The following ANGEL2 variants were observed in gnomAD, a reference collection of about 807,000 sequenced individuals.
ANGEL2 encodes angel homolog 2.
ANGEL2 carries 41 observed loss-of-function variants against 66.0 expected under a neutral mutation model. The observed-to-expected ratio is 0.62, with a 90% CI of 0.48 to 0.81. The LOEUF is 0.81. Among genes scored for constraint, ANGEL2 ranks in the 30% least tolerant of loss-of-function variants. The pLI is 0.00. For synonymous variants in ANGEL2, 208 were observed against 226.5 expected, an observed-to-expected ratio of 0.92 and a Z score of 0.73; for missense variants, 561 against 641.6, an observed-to-expected ratio of 0.87 and a Z score of 1.36.
At chr1:213,014,876 G>T (rs189324836) in intron 1 of ANGEL2, among the ~76,000 whole-genome samples, 1 of 152,080 alleles carries the variant, frequency 6.6e-6, no homozygotes, top group African/African-American at 2.4e-5. Flanking sequence ...TACACGAGTC[G>T]GTTTCACAGA....
At chr1:213,005,483 A>G in intron 4 of ANGEL2, 29 bp from the exon 5 acceptor site, 1 of 1,533,368 alleles carries the variant, frequency 6.5e-7, no homozygotes, top group Non-Finnish European at 8.7e-7. Flanking sequence ...TTTAAAACAA[A>G]TGACTGCTTT....
At chr1:213,013,485 C>A (rs2076561066) in intron 1 of ANGEL2, 67 bp from the exon 2 acceptor site, 1 of 1,400,074 alleles carries the variant, frequency 7.1e-7, no homozygotes, top group Admixed American at 2.2e-5. Flanking sequence ...AAAATCTAAG[C>A]CTGTTTCCTC....
At chr1:213,011,408 C>T (rs1465517844) in intron 2 of ANGEL2, 9 of 1,128,756 alleles carry the variant, frequency 8.0e-6, no homozygotes, top group Middle Eastern at 3.0e-4. Flanking sequence ...AGTGAAATAT[C>T]GGAAGTCACA....
chr1:213,010,502 G>T (rs2076475910), intron 2 of ANGEL2, among the ~76,000 whole-genome samples: 2 of 151,828 alleles, frequency 1.3e-5, no homozygotes, highest in Non-Finnish European at 2.9e-5. Flanking sequence ...AACCTGGGAG[G>T]TGGAGCTTGC....
rs1358222440 is a variant in ANGEL2, at chr1:212,992,551, C to G, written c.*2490G>C. On this transcript the variant is annotated 3_prime_UTR_variant, in exon 9 of 9. Coordinates refer to ENST00000366962, the MANE Select transcript of ANGEL2 (RefSeq NM_144567.5). ...CTATTCTGGTCAACAAAAGTAAAGACAAGTGGATAATTATTTTTAGTGGAG... is the reference window on the plus strand; with the variant it reads ...CTATTCTGGTCAACAAAAGTAAAGAGAAGTGGATAATTATTTTTAGTGGAG... The G allele has an allele frequency of 6.6e-6, 1 of 152,176 alleles. No homozygotes were observed. The highest frequency in any genetic ancestry group is 6.5e-5 in the Admixed American group (1 of 15,286). The allele number at this position is 152,176 out of a possible 1,614,324, so 9.4% of individuals were successfully genotyped here.
intron 1 of ANGEL2, among the ~76,000 whole-genome samples, chr1:213,013,878 G>GT (rs2076571101): frequency 6.6e-6 from 1 of 152,170 alleles, no homozygotes. Flanking sequence ...TTTCTGAACA[G>GT]TTTTTTATAC....
intron 5 of ANGEL2, among the ~76,000 whole-genome samples, chr1:213,002,521 CAA>C (rs999629667): frequency 1.3e-5 from 2 of 152,240 alleles, no homozygotes; most frequent in African/African-American, 4.8e-5. Flanking sequence ...TAGCTCCTAA[CAA>C]AAGAGTCAGC....
chr1:213,009,448 T>C (rs1332494698), intron 2 of ANGEL2, among the ~76,000 whole-genome samples: 1 of 152,218 alleles, frequency 6.6e-6, no homozygotes. Flanking sequence ...GAAATGGACT[T>C]CTAAGTATGA....
chr1:212,996,757 A>G (rs917065827), intron 8 of ANGEL2, among the ~76,000 whole-genome samples: 3 of 149,890 alleles, frequency 2.0e-5, no homozygotes, highest in African/African-American at 7.4e-5. Flanking sequence ...TGGTCCTCCA[A>G]TGAAGGCAGG....
At position 212,995,121 on chromosome 1, in the gene ANGEL2, A is replaced by G. The variant is rs966373481; in HGVS notation, c.1555T>C (p.Trp519Arg). The G allele has an allele frequency of 2.5e-6, 4 of 1,612,464 alleles. No homozygotes were observed. The African/African-American group carries it at 4.0e-5, about 16-fold the overall frequency. ...TCGTTTGGAAGTCCATTAACAGTCC[A>G]TAAGTCTTGTTCTGTAAGAAGTGAC... ...RLSLLTEQDL[W>R]TVNGLPNENN... The change falls in exon 9 of 9, where the codon TGG (tryptophan) becomes CGG (arginine). Residue 519 changes from tryptophan (W) to arginine (R), a missense_variant. Transcript: ENST00000366962.
intron 2 of ANGEL2, chr1:213,011,518 G>A (rs781308117): frequency 2.0e-6 from 2 of 1,025,408 alleles, no homozygotes; most frequent in South Asian, 6.1e-5. Flanking sequence ...GTAGGTAAAT[G>A]TAATTCCCCA....
intron 2 of ANGEL2, chr1:213,011,522 T>C: frequency 9.8e-7 from 1 of 1,018,054 alleles, no homozygotes; most frequent in South Asian, 3.2e-5. Context: ...GTAAATGTAA[T>C]TCCCCATCCA....
intron 8 of ANGEL2, among the ~76,000 whole-genome samples, chr1:212,995,579 T>C (rs2075972065): frequency 6.6e-6 from 1 of 152,242 alleles, no homozygotes; most frequent in Non-Finnish European, 1.5e-5. Context: ...GAATGGAGAA[T>C]AAATTAGTAT....
intron 1 of ANGEL2, 64 bp downstream of exon 1, chr1:213,015,549 G>A (rs1266723751): frequency 9.5e-6 from 9 of 944,008 alleles, no homozygotes; most frequent in Non-Finnish European, 1.1e-5. Context: ...AGTCCCGGAC[G>A]CCCGCCCGCT....
intron 4 of ANGEL2, 35 bp from the exon 5 acceptor site, chr1:213,005,489 G>A (rs764824124): frequency 1.3e-6 from 2 of 1,520,090 alleles, no homozygotes; most frequent in East Asian, 2.3e-5. Context: ...ACAAATGACT[G>A]CTTTTATATA....
chr1:213,015,299 C>G, intron 1 of ANGEL2: 1 of 1,292,752 alleles, frequency 7.7e-7, no homozygotes, highest in African/African-American at 1.5e-5. Context: ...CAGGCCAGCG[C>G]TGGTCTGGAG....
chr1:213,009,461 A>C (rs1006300931), intron 2 of ANGEL2, among the ~76,000 whole-genome samples: 24 of 152,258 alleles, frequency 1.6e-4, no homozygotes, highest in African/African-American at 5.8e-4. Flanking sequence ...AAGTATGATT[A>C]AATTATATAA....
chr1:213,009,978 G>A (rs2076455944), intron 2 of ANGEL2, among the ~76,000 whole-genome samples: 1 of 150,050 alleles, frequency 6.7e-6, no homozygotes, highest in Non-Finnish European at 1.5e-5. Flanking sequence ...TGTAACCCGG[G>A]AAGCAGAGGT....
chr1:213,010,445 A>G (rs1205904988), intron 2 of ANGEL2, among the ~76,000 whole-genome samples: 1 of 151,838 alleles, frequency 6.6e-6, no homozygotes, highest in Non-Finnish European at 1.5e-5. Flanking sequence ...GGTGGCGGGC[A>G]CCTGCAGTCC....
Sources: gnomAD v4.1 joint callset for allele counts (sites outside exome capture counted in the v4.1 genomes callset) on GRCh38, gnomAD v4.1.1 for gene constraint, MANE v1.5 for transcripts, NCBI Gene and HGNC (gene_info 2026-07-23, HGNC 2026-07-21) for gene names.